The following ZMYM4 variants were observed in gnomAD, a reference collection of about 807,000 sequenced individuals.
ZMYM4 encodes zinc finger MYM-type protein 4.
A neutral mutation model predicts 183.2 loss-of-function variants in ZMYM4; 31 were observed. The observed-to-expected ratio is 0.17, with a 90% CI of 0.13 to 0.23. The LOEUF (loss-of-function observed/expected upper bound fraction) is 0.23. ZMYM4 is among the 10% of genes least tolerant of loss of function. The probability of loss-of-function intolerance (pLI) is 1.00; values close to 1 mark genes in which losing one functional copy is unlikely to be tolerated. For synonymous variants in ZMYM4, 592 were observed against 631.2 expected (o/e 0.94, Z 0.93); for missense variants, 1,273 against 1,840.3 (o/e 0.69, Z 5.64).
chr1:35,371,885 A>G (rs1023557468), intron 7 of ZMYM4, among the ~76,000 whole-genome samples: 8 of 152,236 alleles, frequency 5.3e-5, no homozygotes, highest in African/African-American at 1.9e-4. Flanking sequence ...GCTTAAATAT[A>G]TACTGTAATT....
chr1:35,347,513 GCTTT>G, intron 2 of ZMYM4, among the ~76,000 whole-genome samples: 1 of 152,090 alleles, frequency 6.6e-6, no homozygotes, highest in South Asian at 2.1e-4. Context: ...TTTTAACATT[GCTTT>G]CTTTTTTTTT....
chr1:35,397,794 T>C (rs1187773507), intron 20 of ZMYM4, among the ~76,000 whole-genome samples: 1 of 152,166 alleles, frequency 6.6e-6, no homozygotes, highest in Non-Finnish European at 1.5e-5. Flanking sequence ...AAATCAAGAT[T>C]TCATGATCAT....
intron 1 of ZMYM4, among the ~76,000 whole-genome samples, chr1:35,308,080 C>T (rs1321210723): frequency 6.6e-6 from 1 of 152,170 alleles, no homozygotes; most frequent in Non-Finnish European, 1.5e-5. Context: ...CAACCTCCAC[C>T]TCCTGGGTTC....
intron 25 of ZMYM4, among the ~76,000 whole-genome samples, chr1:35,406,002 C>G (rs1250230857): frequency 6.6e-6 from 1 of 152,108 alleles, no homozygotes; most frequent in Admixed American, 6.5e-5. Flanking sequence ...TTCACTTTAT[C>G]TTTTGCTTTT....
Position 35,393,721 on chromosome 1 carries a change from A to G in ZMYM4, c.2893A>G (p.Asn965Asp), listed in dbSNP as rs765494698. The change falls in exon 18 of 30, where the codon AAC becomes GAC. Residue 965 changes from asparagine to aspartate, a missense_variant. Asn to Asp is a conservative substitution (Grantham distance 23). Transcript: ENST00000314607. ...CACCTCTTGCAAACCACATACCCAA[A>G]ACAAAGAATGCCAGACAGGTATGTT... ...KATSCKPHTQNKECQTEDTPS... is the reference protein window; with the variant it reads ...KATSCKPHTQDKECQTEDTPS... 6.2e-7 allele frequency: 1 copy of G among 1,608,106 alleles called. No homozygotes were observed. Among genetic ancestry groups the G allele is most frequent in the South Asian group, 1.1e-5 (1 of 89,816 alleles).
intron 1 of ZMYM4, among the ~76,000 whole-genome samples, chr1:35,273,777 A>T (rs1639731901): frequency 6.6e-6 from 1 of 152,200 alleles, no homozygotes; most frequent in Non-Finnish European, 1.5e-5. Flanking sequence ...AGTTTGGGAT[A>T]TTACCACTGA....
chr1:35,396,720 A>G (rs921321056), intron 19 of ZMYM4, 50 bp downstream of exon 19: 8 of 1,592,654 alleles, frequency 5.0e-6, no homozygotes, highest in Admixed American at 1.8e-5. Flanking sequence ...ATTTTCCTCA[A>G]TTAAAACTGT....
intron 28 of ZMYM4, 112 bp downstream of exon 28, chr1:35,415,826 TA>T: frequency 7.3e-7 from 1 of 1,362,590 alleles, no homozygotes; most frequent in Non-Finnish European, 9.8e-7. Context: ...AGTGTACCTT[TA>T]ACATTTGAAT....
rs1183165843 is a variant in ZMYM4 at position 35,420,561 on chromosome 1, A to T, written c.*884A>T. 1.3e-5 allele frequency: 2 copies of T among 151,984 alleles called. No homozygotes were observed. The highest frequency in any genetic ancestry group is 2.9e-5 in the Non-Finnish European group (2 of 67,874). The allele number at this position is 151,984 out of a possible 1,614,324, so 9.4% of individuals were successfully genotyped here. ...AAATGGGGGTTCTCCTTTTATTTTC[A>T]TTTTTTTTCCCCAATGGCAGCTTTT... On this transcript the variant is annotated 3_prime_UTR_variant, in exon 30 of 30. Coordinates refer to ENST00000314607, the MANE Select transcript of ZMYM4 (RefSeq NM_005095.3).
chr1:35,355,200 CTT>C lies in ZMYM4; in HGVS notation c.86-3699_86-3698del, dbSNP rs1013941289. 7.8e-5 allele frequency among the ~76,000 whole-genome samples: 6 copies of C among 77,190 alleles called. No individual in the cohort carries two copies. The East Asian group carries it at 9.6e-4, about 12-fold the overall frequency. 50.6% of individuals were successfully genotyped at this position (77,190 alleles called of 152,430 possible). ...AGGTGCCCGTCACCACGCCTGGCTTCTTTTTTTTTTTTTTTTTTTTTTTTTTT... is the reference window on the plus strand; with the variant it reads ...AGGTGCCCGTCACCACGCCTGGCTTCTTTTTTTTTTTTTTTTTTTTTTTTT... On this transcript the variant is annotated intron_variant, in intron 2 of 29. Transcript: ENST00000314607.
intron 2 of ZMYM4, among the ~76,000 whole-genome samples, chr1:35,341,030 G>A (rs911912482): frequency 6.6e-6 from 1 of 151,874 alleles, no homozygotes; most frequent in Non-Finnish European, 1.5e-5. Context: ...AAAGTTCTAT[G>A]TATATTGGGA....
Position 35,268,989 on chromosome 1 carries a change from C to T in ZMYM4, c.-58C>T. 2 of 1,499,706 alleles carry T rather than the reference C, an allele frequency of 1.3e-6. No homozygotes were observed. The highest frequency in any genetic ancestry group is 1.4e-5 in the African/African-American group (1 of 69,112). The allele number at this position is 1,499,706 out of a possible 1,614,324, so 92.9% of individuals were successfully genotyped here. A position where few individuals can be genotyped will look rare whatever the true frequency, so the allele number is the denominator to read the frequency against. ...TGCAGTGTGGGCGGGGGCCGGGGGG[C>T]CGAGAGGTACCGCCGCCACCGCGCG... On this transcript the variant is annotated 5_prime_UTR_variant, in exon 1 of 30. Coordinates refer to ENST00000314607, the MANE Select transcript of ZMYM4 (RefSeq NM_005095.3).
Position 35,371,109 on chromosome 1 carries a change from GCA to G in ZMYM4, c.1181+485_1181+486del, listed in dbSNP as rs1233245937. 2.0e-3 allele frequency among the ~76,000 whole-genome samples: 80 copies of G among 40,644 alleles called. 1 individual carries two copies. Among genetic ancestry groups the G allele is most frequent in the Middle Eastern group, 0.014 (1 of 74 alleles). 26.7% of individuals were successfully genotyped at this position (40,644 alleles called of 152,430 possible). On this transcript the variant is annotated intron_variant, in intron 7 of 29. Coordinates refer to ENST00000314607, the MANE Select transcript of ZMYM4 (RefSeq NM_005095.3). ...TGTGTGTGTGTGTGTGTGTGTGTGC[GCA>G]CATTTATTTATTTATTTATTTTGAG...
intron 1 of ZMYM4, among the ~76,000 whole-genome samples, chr1:35,288,406 C>T (rs1366010298): frequency 6.6e-6 from 1 of 152,218 alleles, no homozygotes; most frequent in Non-Finnish European, 1.5e-5. Flanking sequence ...TGGCGAAAGG[C>T]AGCTTGCCTT....
In ZMYM4 at chr1:35,420,436, C is replaced by T. The variant is rs1480312562; in HGVS notation, c.*759C>T. The T allele has an allele frequency of 6.6e-6, 1 of 152,438 alleles. No homozygotes were observed. 9.4% of individuals were successfully genotyped at this position (152,438 alleles called of 1,614,324 possible). A position where few individuals can be genotyped will look rare whatever the true frequency, so the allele number is the denominator to read the frequency against. ...GAAAATCTGTGGAGCCTATCAGACC[C>T]CAAGTGTCTTGAAATGTTTGTAGAA... is the stretch of plus-strand genomic sequence containing the variant. On this transcript the variant is annotated 3_prime_UTR_variant, in exon 30 of 30. Coordinates refer to ENST00000314607, the MANE Select transcript of ZMYM4 (RefSeq NM_005095.3).
At chr1:35,398,391 A>G in intron 20 of ZMYM4, 22 bp from the exon 21 acceptor site, 1 of 1,601,804 alleles carries the variant, frequency 6.2e-7, no homozygotes, top group South Asian at 1.1e-5. Flanking sequence ...TAAATTATTT[A>G]TGTGCTTTTC....
At chr1:35,355,241 G>T (rs1263660988) in intron 2 of ZMYM4, among the ~76,000 whole-genome samples, 2 of 135,864 alleles carry the variant, frequency 1.5e-5, no homozygotes, top group African/African-American at 5.5e-5. Context: ...TAGAGACAGG[G>T]TTTCACTGTG....
chr1:35,337,838 C>T (rs1262878633), intron 2 of ZMYM4, among the ~76,000 whole-genome samples: 4 of 152,102 alleles, frequency 2.6e-5, no homozygotes, highest in African/African-American at 9.7e-5. Context: ...ACTTGGGAGG[C>T]TGAGGCAGGA....
intron 1 of ZMYM4, among the ~76,000 whole-genome samples, chr1:35,308,652 G>A (rs1641659089): frequency 1.3e-5 from 2 of 152,292 alleles, no homozygotes; most frequent in South Asian, 4.1e-4. Context: ...CTTGAGCTCA[G>A]CAGTTCGAGA....
Sources: gnomAD v4.1 joint callset for allele counts (sites outside exome capture counted in the v4.1 genomes callset) on GRCh38, gnomAD v4.1.1 for gene constraint, MANE v1.5 for transcripts, NCBI Gene and HGNC (gene_info 2026-07-23, HGNC 2026-07-21) for gene names.